Variants in PARG observed in about 807,000 individuals in gnomAD.
PARG encodes poly(ADP-ribose) glycohydrolase.
Under a neutral mutation model 113.0 loss-of-function variants are expected in PARG, and 35 were observed. That is an observed-to-expected ratio of 0.31 (90% CI 0.24 to 0.41). The LOEUF is 0.41. PARG is among the 10% of genes least tolerant of loss of function. PARG has a pLI of 1.00. For synonymous variants in PARG, 330 were observed against 409.9 expected, an observed-to-expected ratio of 0.81 and a Z score of 2.36; for missense variants, 797 against 1,169.4, an observed-to-expected ratio of 0.68 and a Z score of 4.64.
intron 10 of PARG, among the ~76,000 whole-genome samples, chr10:49,866,826 G>T (rs1364179114): frequency 6.6e-6 from 1 of 152,010 alleles, no homozygotes; most frequent in Non-Finnish European, 1.5e-5. Context: ...CTATATACAG[G>T]TCATAAATTT....
At chr10:49,923,658 G>A (rs1224946132) in intron 4 of PARG, among the ~76,000 whole-genome samples, 1 of 151,790 alleles carries the variant, frequency 6.6e-6, no homozygotes, top group Non-Finnish European at 1.5e-5. Context: ...CCGGCGCCAG[G>A]GAAAGGAGTC....
chr10:49,837,639 T>A (rs1287930828), intron 15 of PARG, among the ~76,000 whole-genome samples: 1 of 152,232 alleles, frequency 6.6e-6, no homozygotes, highest in Non-Finnish European at 1.5e-5. Flanking sequence ...TAAAGTTGTT[T>A]GGATTAGTTT....
chr10:49,941,591 G>T lies in PARG; in HGVS notation c.135C>A (p.His45Gln). 1 of 1,570,688 alleles carries T rather than the reference G, an allele frequency of 6.4e-7. No homozygotes were observed. The highest frequency in any genetic ancestry group is 8.6e-7 in the Non-Finnish European group (1 of 1,158,654). ...QRRVLDPKDA[H>Q]VQFRVPPSSP... The stretch of plus-strand genomic sequence containing the variant: ...AGGACGGTGGGACCCTGAACTGCAC[G>T]TGAGCGTCCTTGGGGTCGAGGACGC... The change falls in exon 1 of 18, where the codon CAC becomes CAA. Residue 45 changes from histidine (H) to glutamine (Q), a missense_variant. This residue lies in a region of PARG where 284 missense variants were observed against 306.1 expected (regional missense o/e 0.93). Coordinates refer to ENST00000616448, the MANE Select transcript of PARG (RefSeq NM_003631.5).
intron 7 of PARG, among the ~76,000 whole-genome samples, chr10:49,895,978 T>C (rs1376571150): frequency 6.6e-6 from 1 of 152,208 alleles, no homozygotes; most frequent in Non-Finnish European, 1.5e-5. Context: ...TTAGTTCTAA[T>C]AGTTATTTTT....
chr10:49,864,142 C>T (rs2132551902), intron 11 of PARG, among the ~76,000 whole-genome samples: 1 of 151,940 alleles, frequency 6.6e-6, no homozygotes, highest in East Asian at 1.9e-4. Context: ...GCTATCCAGT[C>T]TTCTGTCTGT....
intron 6 of PARG, among the ~76,000 whole-genome samples, chr10:49,918,497 A>T (rs1222351571): frequency 6.6e-6 from 1 of 152,246 alleles, no homozygotes; most frequent in Non-Finnish European, 1.5e-5. Context: ...TCAACGACTG[A>T]ATAAGTTCTT....
At chr10:49,911,631 G>T (rs572889670) in intron 7 of PARG, among the ~76,000 whole-genome samples, 2,149 of 152,266 alleles carry the variant, frequency 0.014, 41 homozygotes, top group African/African-American at 0.049. Flanking sequence ...ATTGGTCTCT[G>T]TGATCTTTGC....
intron 7 of PARG, among the ~76,000 whole-genome samples, chr10:49,912,372 C>G (rs1393058710): frequency 3.3e-5 from 5 of 151,854 alleles, no homozygotes; most frequent in African/African-American, 9.7e-5. Flanking sequence ...GTTTAAGAAC[C>G]CTTAGTTTAA....
intron 7 of PARG, among the ~76,000 whole-genome samples, chr10:49,910,151 C>T (rs1837088375): frequency 6.6e-6 from 1 of 152,034 alleles, no homozygotes; most frequent in Non-Finnish European, 1.5e-5. Flanking sequence ...AAGTTCAATA[C>T]TAATAGAATT....
chr10:49,920,720 A>G (rs1391827360), intron 6 of PARG, among the ~76,000 whole-genome samples: 1 of 151,450 alleles, frequency 6.6e-6, no homozygotes, highest in Non-Finnish European at 1.5e-5. Flanking sequence ...AAAACTAAGC[A>G]AACTCTAGCA....
chr10:49,893,064 G>A (rs1554841902), intron 7 of PARG, among the ~76,000 whole-genome samples: 2 of 152,102 alleles, frequency 1.3e-5, no homozygotes, highest in African/African-American at 4.8e-5. Context: ...CTTTTTGTGT[G>A]CATATATTTT....
In PARG at chr10:49,857,445, A is replaced by G. The variant is rs1210281171; in HGVS notation, c.2214T>C (p.Phe738=). 6.2e-7 allele frequency: 1 copy of G among 1,612,672 alleles called. No individual in the cohort carries two copies. The highest frequency in any genetic ancestry group is 2.2e-5 in the East Asian group (1 of 44,842). Residue 738 remains phenylalanine, a synonymous_variant, in exon 13 of 18, where the codon TTT becomes TTC. Transcript: ENST00000616448. The part of the protein sequence containing the change: ...ENGQGMLQVD[F]ANRFVGGGVT... ...CACCACCTCCAACAAAACGATTTGCAAAATCCACCTGTTGGGGAAATGTGA... is the reference window on the plus strand; with the variant it reads ...CACCACCTCCAACAAAACGATTTGCGAAATCCACCTGTTGGGGAAATGTGA...
At chr10:49,825,598 T>A (rs1844313519) in intron 16 of PARG, among the ~76,000 whole-genome samples, 1 of 152,226 alleles carries the variant, frequency 6.6e-6, no homozygotes, top group African/African-American at 2.4e-5. Context: ...ACTCAATATG[T>A]TCTCAACTAA....
intron 7 of PARG, among the ~76,000 whole-genome samples, chr10:49,899,217 A>C (rs1848240531): frequency 6.6e-6 from 1 of 152,240 alleles, no homozygotes. Context: ...ACTACCTCTA[A>C]GTTTTCCCAA....
rs190539104 is a variant in PARG at position 49,877,363 on chromosome 10, T to C, written c.1988+2310A>G. On this transcript the variant is annotated intron_variant, in intron 9 of 17. Coordinates refer to ENST00000616448, the MANE Select transcript of PARG (RefSeq NM_003631.5). ...GATATTGGAGAGAATTGTGAATTCATTTCTCTGCTGCCATGTGGAGTTATA... is the reference window on the plus strand; with the variant it reads ...GATATTGGAGAGAATTGTGAATTCACTTCTCTGCTGCCATGTGGAGTTATA... Among the ~76,000 whole-genome samples, 777 of 151,952 alleles carry C rather than the reference T, an allele frequency of 5.1e-3. 29 individuals carry two copies. The East Asian group carries it at 0.085, about 17-fold the overall frequency.
chr10:49,854,884 G>A (rs1331647830), intron 13 of PARG, among the ~76,000 whole-genome samples: 23 of 151,448 alleles, frequency 1.5e-4, no homozygotes, highest in Non-Finnish European at 2.9e-4. Context: ...GATGAAAAGC[G>A]AAAATCTGAT....
At chr10:49,842,908 G>T (rs139247404) in intron 14 of PARG, among the ~76,000 whole-genome samples, 8 of 152,096 alleles carry the variant, frequency 5.3e-5, no homozygotes, top group Non-Finnish European at 1.2e-4. Context: ...TTTGTGGCAC[G>T]TGGGCAAGAG....
chr10:49,941,706 C>A lies in PARG; in HGVS notation c.20G>T (p.Cys7Phe). 6.3e-7 allele frequency: 1 copy of A among 1,582,542 alleles called. No individual in the cohort carries two copies. The highest frequency in any genetic ancestry group is 2.3e-5 in the East Asian group (1 of 42,794). Residue 7 changes from cysteine to phenylalanine, a missense_variant, in exon 1 of 18, where the codon TGT becomes TTT. By Grantham distance (205) the Cys-to-Phe change is radical. Around this residue, in one of 5 missense-constraint regions of PARG, gnomAD observed 27 missense variants for 54.3 expected, o/e 0.50. Transcript: ENST00000616448. MNAGPGCEPCTKRPRWG... is the reference protein window; with the variant it reads MNAGPGFEPCTKRPRWG... The stretch of plus-strand genomic sequence containing the variant: ...GCGGGGTCGCTTGGTGCAGGGTTCA[C>A]AGCCGGGGCCCGCATTCATGCTGGG...
chr10:49,926,074 G>A (rs548268774), intron 4 of PARG, among the ~76,000 whole-genome samples: 6 of 152,346 alleles, frequency 3.9e-5, no homozygotes, highest in South Asian at 2.1e-4. Context: ...GAAAGAAAGC[G>A]GAGAGGAAAG....
Sources: allele counts gnomAD v4.1 joint callset (sites outside exome capture counted in the v4.1 genomes callset), GRCh38; gene constraint gnomAD v4.1.1; regional missense constraint gnomAD v4.1.1; transcripts MANE v1.5; gene names NCBI Gene and HGNC (gene_info 2026-07-23, HGNC 2026-07-21).